VGLL4: variants seen among roughly 807,000 people sequenced by gnomAD.
VGLL4 encodes the protein transcription cofactor vestigial-like protein 4.
A neutral mutation model predicts 21.0 loss-of-function variants in VGLL4; 7 were observed. The ratio of observed to expected loss-of-function variants is 0.33; its 90% CI spans 0.19 to 0.63. The LOEUF (loss-of-function observed/expected upper bound fraction) is 0.63, where lower values mean the gene tolerates loss of function less well. Ranked by LOEUF, VGLL4 falls within the 20% of genes least tolerant of loss-of-function variation. The pLI is 0.78. For synonymous variants in VGLL4, 222 were observed against 173.2 expected (o/e 1.28, Z -2.21); for missense variants, 394 against 425.7 (o/e 0.93, Z 0.66).
At chr3:11,598,050 T>A (rs1172603106) in intron 2 of VGLL4, among the ~76,000 whole-genome samples, 1 of 151,568 alleles carries the variant, frequency 6.6e-6, no homozygotes, top group Non-Finnish European at 1.5e-5. Context: ...TTATAAGACA[T>A]CATCTCGCTC....
At chr3:11,654,809 T>C (rs1249074000) in intron 2 of VGLL4, among the ~76,000 whole-genome samples, 2 of 152,210 alleles carry the variant, frequency 1.3e-5, no homozygotes, top group African/African-American at 2.4e-5. Flanking sequence ...GAAGACAGAA[T>C]CTTTATAAAA....
chr3:11,686,800 T>C (rs1027508675), intron 2 of VGLL4, among the ~76,000 whole-genome samples: 1 of 152,224 alleles, frequency 6.6e-6, no homozygotes, highest in Non-Finnish European at 1.5e-5. Context: ...TCGTTTATTC[T>C]ATCTCGGCAT....
chr3:11,580,347 A>T (rs564209554), intron 2 of VGLL4, among the ~76,000 whole-genome samples: 41 of 152,324 alleles, frequency 2.7e-4, no homozygotes, highest in African/African-American at 8.7e-4. Flanking sequence ...AAGGCTGAGT[A>T]ATATTCCATT....
intron 2 of VGLL4, among the ~76,000 whole-genome samples, chr3:11,672,338 TAA>T (rs1244360137): frequency 6.6e-6 from 1 of 151,928 alleles, no homozygotes; most frequent in Non-Finnish European, 1.5e-5. Flanking sequence ...CTCGTAGAGT[TAA>T]AATAGCTCAA....
At chr3:11,715,699 T>A (rs879407838) in intron 1 of VGLL4, among the ~76,000 whole-genome samples, 3 of 152,196 alleles carry the variant, frequency 2.0e-5, no homozygotes, top group South Asian at 2.1e-4. Flanking sequence ...TAGTGGATAT[T>A]GAACCAGTGT....
intron 2 of VGLL4, among the ~76,000 whole-genome samples, chr3:11,673,171 T>TA (rs995293124): frequency 2.1e-4 from 32 of 152,166 alleles, no homozygotes. Flanking sequence ...GGAAAGCTAC[T>TA]AACGTGGAAG....
At chr3:11,582,375 C>T (rs1001267490) in intron 2 of VGLL4, 7 of 1,564,572 alleles carry the variant, frequency 4.5e-6, no homozygotes, top group South Asian at 1.2e-5. Flanking sequence ...CAAGCAGTCT[C>T]AGGCACAAAA....
upstream of VGLL4, among the ~76,000 whole-genome samples, chr3:11,647,659 C>T (rs931699712): frequency 5.6e-4 from 85 of 152,126 alleles, no homozygotes; most frequent in African/African-American, 2.0e-3. Flanking sequence ...TGGATTAGGA[C>T]GCTCAACCCA....
At chr3:11,597,923 C>T (rs2125257701) in intron 2 of VGLL4, among the ~76,000 whole-genome samples, 1 of 152,212 alleles carries the variant, frequency 6.6e-6, no homozygotes, top group South Asian at 2.1e-4. Flanking sequence ...GAATAAAATC[C>T]CAGGAATTCT....
intron 2 of VGLL4, among the ~76,000 whole-genome samples, chr3:11,580,284 C>A (rs1249638849): frequency 1.3e-5 from 2 of 152,234 alleles, no homozygotes; most frequent in Non-Finnish European, 2.9e-5. Flanking sequence ...CCATGACTGG[C>A]TTACACAAGG....
rs188852963 is a variant in VGLL4, at chr3:11,653,913, G to A, written c.64+49058C>T. ...GCAGGCAGAGGGATAGAATTCACCC[G>A]AGACAACACAGAGGGAAGGGCCCCG... On this transcript the variant is annotated intron_variant, in intron 2 of 5. Transcript: ENST00000273038. This position sits in a 1 kb window ranked among gnomAD's most constrained non-coding sequence, Gnocchi z 4.2. 5.4e-3 allele frequency among the ~76,000 whole-genome samples: 817 copies of A among 151,676 alleles called. 2 individuals are homozygous for A. The highest frequency in any genetic ancestry group is 8.9e-3 in the Non-Finnish European group (604 of 67,854).
intron 2 of VGLL4, chr3:11,582,221 G>T: frequency 6.4e-7 from 1 of 1,551,876 alleles, no homozygotes; most frequent in Admixed American, 1.8e-5. Flanking sequence ...TGAAAATACA[G>T]GGTTGCCATC....
intron 1 of VGLL4, among the ~76,000 whole-genome samples, chr3:11,629,207 A>C (rs2075424354): frequency 6.6e-6 from 1 of 152,232 alleles, no homozygotes; most frequent in African/African-American, 2.4e-5. Flanking sequence ...TGAAATCAAT[A>C]GTGCAATATG....
intron 1 of VGLL4, among the ~76,000 whole-genome samples, chr3:11,602,464 T>C (rs2074829948): frequency 6.6e-6 from 1 of 152,032 alleles, no homozygotes; most frequent in South Asian, 2.1e-4. Flanking sequence ...TTTTCTAATA[T>C]AGTCTTGGTA....
chr3:11,627,277 G>A (rs557469229), intron 1 of VGLL4: 4 of 142,862 alleles, frequency 2.8e-5, no homozygotes, highest in South Asian at 4.7e-4. Context: ...CTGGCCACTG[G>A]TGAGAAAACC....
intron 1 of VGLL4, among the ~76,000 whole-genome samples, chr3:11,625,518 C>T: frequency 6.6e-6 from 1 of 152,082 alleles, no homozygotes; most frequent in East Asian, 1.9e-4. Context: ...AAAAATAAAC[C>T]ATGCTATTGC....
At position 11,590,262 on chromosome 3, in the gene VGLL4, C is replaced by T. The variant is rs576911761; in HGVS notation, c.272+11571G>A. 1.8e-4 allele frequency among the ~76,000 whole-genome samples: 28 copies of T among 152,288 alleles called. 1 individual carries two copies. Among genetic ancestry groups the T allele is most frequent in the Middle Eastern group, 6.8e-3 (2 of 294 alleles). On this transcript the variant is annotated intron_variant, in intron 2 of 4. Transcript: ENST00000430365. ...ACTCATAACCATCCCTAGTTGGGTT[C>T]AATGACATGGAAATTTAGGGATGCA...
chr3:11,717,870 C>T (rs1559961898), intron 1 of VGLL4, among the ~76,000 whole-genome samples: 1 of 152,116 alleles, frequency 6.6e-6, no homozygotes, highest in African/African-American at 2.4e-5. Context: ...AATATTACCA[C>T]CCTTTTACAA....
At chr3:11,643,098 G>A (rs1013222965) in intron 1 of VGLL4, among the ~76,000 whole-genome samples, 1 of 152,220 alleles carries the variant, frequency 6.6e-6, no homozygotes, top group Non-Finnish European at 1.5e-5. Context: ...AACTTTTACC[G>A]GCGTCCTACA....
Sources: allele counts gnomAD v4.1 joint callset (sites outside exome capture counted in the v4.1 genomes callset), GRCh38; gene constraint gnomAD v4.1.1; non-coding constraint Gnocchi (gnomAD v3.1); transcripts MANE v1.5; gene names NCBI Gene and HGNC (gene_info 2026-07-23, HGNC 2026-07-21).